RELB: variants seen among roughly 807,000 people sequenced by gnomAD.
RELB encodes the protein RELB proto-oncogene, NF-kB subunit.
In RELB, 14 loss-of-function variants were observed where a neutral mutation model predicts 55.4. The ratio of observed to expected loss-of-function variants is 0.25; its 90% CI spans 0.17 to 0.40. The LOEUF (loss-of-function observed/expected upper bound fraction) is 0.40. Ranked by LOEUF, RELB falls within the 10% of genes least tolerant of loss-of-function variation. The pLI is 1.00. For synonymous variants in RELB, 409 were observed against 371.3 expected (o/e 1.10, Z -1.17); for missense variants, 669 against 830.7 (o/e 0.81, Z 2.39).
At chr19:45,017,485 A>G (rs930515025) in intron 4 of RELB, among the ~76,000 whole-genome samples, 4 of 149,682 alleles carry the variant, frequency 2.7e-5, no homozygotes, top group Non-Finnish European at 5.9e-5. Flanking sequence ...ATCCGAAATA[A>G]TGTGATGTCT....
At chr19:45,028,849 AT>A (rs1450801091) in intron 7 of RELB, 38 bp from the exon 8 acceptor site, 22 of 1,523,386 alleles carry the variant, frequency 1.4e-5, no homozygotes, top group South Asian at 8.4e-5. Flanking sequence ...AATTCTCGGG[AT>A]TTTTTTTAAT....
At chr19:45,003,176 A>C (rs1195974973) in intron 2 of RELB, among the ~76,000 whole-genome samples, 180 bp downstream of exon 2, 3 of 152,088 alleles carry the variant, frequency 2.0e-5, no homozygotes, top group Non-Finnish European at 4.4e-5. Context: ...TGGACTGTTA[A>C]GAGCGTGACA....
intron 9 of RELB, among the ~76,000 whole-genome samples, chr19:45,033,785 C>T (rs188643879): frequency 4.9e-4 from 74 of 151,174 alleles, no homozygotes; most frequent in African/African-American, 1.2e-3. Flanking sequence ...TCAGGTGATC[C>T]GCCCACTTCA....
chr19:45,026,994 A>C (rs573231998), intron 7 of RELB, among the ~76,000 whole-genome samples: 1 of 152,072 alleles, frequency 6.6e-6, no homozygotes, highest in East Asian at 1.9e-4. Context: ...CTTTGGGAGG[A>C]CGAGGTGGGC....
At chr19:45,004,251 T>C (rs1401709748) in intron 2 of RELB, among the ~76,000 whole-genome samples, 1 of 131,272 alleles carries the variant, frequency 7.6e-6, no homozygotes, top group Non-Finnish European at 1.6e-5. Context: ...AGACGGAGTT[T>C]CATTCCTGTT....
rs2122370673 is a variant in RELB, at chr19:45,001,532, G to A, written c.-48G>A. Reference sequence around the variant, plus strand: ...CCCTTGCGCCGCTCGTCCGACCCGCGATCGTCCACCAGACCGTGCCTCCCG... The same window carrying A: ...CCCTTGCGCCGCTCGTCCGACCCGCAATCGTCCACCAGACCGTGCCTCCCG... On this transcript the variant is annotated 5_prime_UTR_variant, in exon 1 of 12. Coordinates refer to ENST00000221452, the MANE Select transcript of RELB (RefSeq NM_006509.4). 1.8e-6 allele frequency: 2 copies of A among 1,135,904 alleles called. No homozygotes were observed. The highest frequency in any genetic ancestry group is 3.3e-5 in the East Asian group (1 of 30,136). The allele number at this position is 1,135,904 out of a possible 1,614,324, so 70.4% of individuals were successfully genotyped here.
At chr19:45,017,663 CTTT>C (rs773366193) in intron 4 of RELB, among the ~76,000 whole-genome samples, 5 of 135,362 alleles carry the variant, frequency 3.7e-5, no homozygotes, top group African/African-American at 5.4e-5. Flanking sequence ...GTTATTATTC[CTTT>C]TTTTTTTTTT....
chr19:45,022,629 C>T (rs1313243159), intron 5 of RELB, among the ~76,000 whole-genome samples: 1 of 151,412 alleles, frequency 6.6e-6, no homozygotes, highest in African/African-American at 2.4e-5. Flanking sequence ...CTCACTCCAA[C>T]CTCCACCTCC....
intron 2 of RELB, among the ~76,000 whole-genome samples, chr19:45,006,260 G>T (rs991468487): frequency 6.6e-6 from 1 of 151,914 alleles, no homozygotes; most frequent in Non-Finnish European, 1.5e-5. Context: ...ACTGGAGTGC[G>T]GTGGCGTGAT....
At chr19:45,021,399 G>T (rs899177651) in intron 4 of RELB, among the ~76,000 whole-genome samples, 1 of 147,080 alleles carries the variant, frequency 6.8e-6, no homozygotes, top group South Asian at 2.3e-4. Flanking sequence ...GCGTGAACCC[G>T]CAGGCAGAGC....
intron 8 of RELB, among the ~76,000 whole-genome samples, chr19:45,029,711 G>T (rs1189396138): frequency 6.6e-6 from 1 of 151,998 alleles, no homozygotes; most frequent in Non-Finnish European, 1.5e-5. Flanking sequence ...TGAGCTGGTT[G>T]TGGTGGCATA....
intron 9 of RELB, 62 bp downstream of exon 9, chr19:45,032,811 A>T (rs1032551435): frequency 6.4e-6 from 9 of 1,397,760 alleles, no homozygotes; most frequent in Admixed American, 4.0e-5. Flanking sequence ...CCTTGGGGAG[A>T]CCCCAGTGGG....
chr19:45,011,570 C>A (rs1310300220), intron 3 of RELB, among the ~76,000 whole-genome samples: 2 of 152,100 alleles, frequency 1.3e-5, no homozygotes, highest in East Asian at 3.9e-4. Flanking sequence ...TGTTCTCCTG[C>A]CTCAGCCTCC....
chr19:45,012,822 G>A (rs1243151672), intron 4 of RELB, among the ~76,000 whole-genome samples: 1 of 151,984 alleles, frequency 6.6e-6, no homozygotes, highest in Admixed American at 6.6e-5. Context: ...GTCGAGGCGA[G>A]CGGATCACTC....
At chr19:45,003,893 GT>G (rs368461486) in intron 2 of RELB, among the ~76,000 whole-genome samples, 33 of 113,846 alleles carry the variant, frequency 2.9e-4, no homozygotes, top group Non-Finnish European at 2.9e-4. Flanking sequence ...GTGTGTGTGG[GT>G]TTTTTTTGTC....
rs746034758 is a variant in RELB, at chr19:45,012,147, G to A, written c.375G>A (p.Pro125=). Residue 125 remains proline, a synonymous_variant, in exon 4 of 12, where the codon CCG becomes CCA. Coordinates refer to ENST00000221452, the MANE Select transcript of RELB (RefSeq NM_006509.4). ...CAGCGCCGGGCCCGGGCCCGCAGCC[G>A]CACCTGGTCATCACGGAGCAGCCCA... ...VSPAPGPGPQ[P]HLVITEQPKQ... 6.4e-6 allele frequency: 10 copies of A among 1,561,486 alleles called. No individual in the cohort carries two copies. The highest frequency in any genetic ancestry group is 7.7e-6 in the Non-Finnish European group (9 of 1,162,874).
rs1322402365 is a variant in RELB, at chr19:45,024,000, C to T, written c.663-1329C>T. On this transcript the variant is annotated intron_variant, in intron 5 of 11. Transcript: ENST00000221452. ...TTCTGACCTTGTGACCCACCCGCCT[C>T]GGCCTCCAATTTTTGTATTTTTAGT... is the stretch of plus-strand genomic sequence containing the variant. Among the ~76,000 whole-genome samples, 16 of 23,052 alleles carry T rather than the reference C, an allele frequency of 6.9e-4. 2 individuals carry two copies. Among genetic ancestry groups the T allele is most frequent in the African/African-American group, 1.5e-3 (15 of 9,730 alleles). 15.1% of individuals were successfully genotyped at this position (23,052 alleles called of 152,430 possible). A position where few individuals can be genotyped will look rare whatever the true frequency, so the allele number is the denominator to read the frequency against.
chr19:45,021,573 C>CTTTTTTTT (rs748646881), intron 4 of RELB, among the ~76,000 whole-genome samples: 1 of 91,348 alleles, frequency 1.1e-5, no homozygotes, highest in Non-Finnish European at 2.0e-5. Flanking sequence ...TCAAAGTGGC[C>CTTTTTTTT]TTTTTTTTTT....
At chr19:45,011,902 T>C (rs765176130) in intron 3 of RELB, 34 bp from the exon 4 acceptor site, 2 of 1,310,822 alleles carry the variant, frequency 1.5e-6, no homozygotes, top group Admixed American at 3.4e-5. Flanking sequence ...TTTTAAAGAA[T>C]GGGCGTCACC....
Sources: gnomAD v4.1 joint callset for allele counts (sites outside exome capture counted in the v4.1 genomes callset) on GRCh38, gnomAD v4.1.1 for gene constraint, MANE v1.5 for transcripts, NCBI Gene and HGNC (gene_info 2026-07-23, HGNC 2026-07-21) for gene names.